SYNRG: variants seen among roughly 807,000 people sequenced by gnomAD.
SYNRG encodes the protein synergin gamma.
In SYNRG, 37 loss-of-function variants were observed where a neutral mutation model predicts 130.9. The observed-to-expected ratio is 0.28, with a 90% CI of 0.22 to 0.37. The LOEUF (loss-of-function observed/expected upper bound fraction) is 0.37. Among genes scored for constraint, SYNRG ranks in the 10% least tolerant of loss-of-function variants. SYNRG has a pLI of 1.00. For synonymous variants in SYNRG, 539 were observed against 568.1 expected, an observed-to-expected ratio of 0.95 and a Z score of 0.73; for missense variants, 1,338 against 1,588.9, an observed-to-expected ratio of 0.84 and a Z score of 2.68.
chr17:37,519,153 A>G (rs1168164295), intron 21 of SYNRG, 82 bp from the exon 22 acceptor site: 3 of 1,562,068 alleles, frequency 1.9e-6, no homozygotes, highest in Non-Finnish European at 8.7e-7. Flanking sequence ...ATGTACATCT[A>G]TCTCTCCAGG....
In SYNRG at chr17:37,609,364, C is replaced by T. The variant is rs1052284785; in HGVS notation, c.-9G>A. The T allele has an allele frequency of 7.0e-7, 1 of 1,424,402 alleles. No homozygotes were observed. The highest frequency in any genetic ancestry group is 9.1e-7 in the Non-Finnish European group (1 of 1,094,248). The allele number at this position is 1,424,402 out of a possible 1,614,324, so 88.2% of individuals were successfully genotyped here. A position where few individuals can be genotyped will look rare whatever the true frequency, so the allele number is the denominator to read the frequency against. On this transcript the variant is annotated 5_prime_UTR_variant, in exon 1 of 22. Transcript: ENST00000612223. ...CCTGGCCGCAGCGCCATCTTGCTCC[C>T]GACCTGCCGCTGCCTTCGCCGCCGC...
chr17:37,595,901 C>T (rs1229002611), intron 3 of SYNRG, among the ~76,000 whole-genome samples: 1 of 152,008 alleles, frequency 6.6e-6, no homozygotes, highest in Non-Finnish European at 1.5e-5. Flanking sequence ...ACTACAGGCA[C>T]ATGCCACCAC....
chr17:37,548,184 G>A (rs2058430722), intron 14 of SYNRG, among the ~76,000 whole-genome samples: 1 of 152,202 alleles, frequency 6.6e-6, no homozygotes, highest in South Asian at 2.1e-4. Context: ...AAATTCCTCA[G>A]TCAAAGCCAT....
chr17:37,597,034 G>C (rs944838326), intron 2 of SYNRG, among the ~76,000 whole-genome samples: 1 of 152,218 alleles, frequency 6.6e-6, no homozygotes. Flanking sequence ...GAGCCACTGT[G>C]CCTGGCCTGA....
chr17:37,607,604 C>T (rs950660664), intron 1 of SYNRG, among the ~76,000 whole-genome samples: 2 of 152,164 alleles, frequency 1.3e-5, no homozygotes, highest in South Asian at 2.1e-4. Context: ...GCCTGGCTAA[C>T]ATGGTGAAAC....
intron 14 of SYNRG, among the ~76,000 whole-genome samples, chr17:37,550,633 T>G (rs1048701): frequency 6.6e-6 from 1 of 150,902 alleles, no homozygotes; most frequent in African/African-American, 2.4e-5. Flanking sequence ...TATACTAAAG[T>G]AAATTTGAAG....
At position 37,523,438 on chromosome 17, in the gene SYNRG, G is replaced by T. The variant is rs2055399572; in HGVS notation, c.3667-2790C>A. 5.3e-5 allele frequency among the ~76,000 whole-genome samples: 8 copies of T among 152,312 alleles called. No homozygotes were observed. In the South Asian group the frequency reaches 1.7e-3, roughly 32 times the overall value. On this transcript the variant is annotated intron_variant, in intron 19 of 21. Transcript: ENST00000612223. Reference sequence around the variant, plus strand: ...GCTTTCCAAAGTGTTGGAATTAGAGGCATGAGCCACTGCACCCAGTCTTCA... The same window carrying T: ...GCTTTCCAAAGTGTTGGAATTAGAGTCATGAGCCACTGCACCCAGTCTTCA...
At chr17:37,535,896 T>A in intron 19 of SYNRG, 83 bp downstream of exon 19, 1 of 1,568,088 alleles carries the variant, frequency 6.4e-7, no homozygotes, top group Non-Finnish European at 8.7e-7. Flanking sequence ...CTCTAATAAG[T>A]ACCATCATAG....
chr17:37,519,890 AC>A (rs2054779672), intron 21 of SYNRG, among the ~76,000 whole-genome samples: 1 of 152,212 alleles, frequency 6.6e-6, no homozygotes, highest in Non-Finnish European at 1.5e-5. Flanking sequence ...GTGTGTCACT[AC>A]AACTTCCAGG....
intron 1 of SYNRG, among the ~76,000 whole-genome samples, chr17:37,604,779 T>G (rs2063602008): frequency 6.6e-6 from 1 of 152,170 alleles, no homozygotes; most frequent in South Asian, 2.1e-4. Context: ...GACTCTTCCT[T>G]TCACTTGAAC....
At chr17:37,575,247 A>G (rs2060726509) in intron 8 of SYNRG, among the ~76,000 whole-genome samples, 1 of 152,158 alleles carries the variant, frequency 6.6e-6, no homozygotes, top group Non-Finnish European at 1.5e-5. Context: ...ATAGCACTAC[A>G]AGGTAGCTAC....
intron 3 of SYNRG, among the ~76,000 whole-genome samples, chr17:37,592,565 A>G (rs529083384): frequency 6.6e-6 from 1 of 152,346 alleles, no homozygotes; most frequent in African/African-American, 2.4e-5. Flanking sequence ...TCATACATCC[A>G]CACCATGGAC....
chr17:37,596,174 G>C (rs368636416), intron 3 of SYNRG, 49 bp downstream of exon 3: 116 of 1,596,718 alleles, frequency 7.3e-5, no homozygotes, highest in Non-Finnish European at 9.8e-5. Context: ...ATATATAAAC[G>C]TAACAACAAA....
At chr17:37,543,805 A>G (rs2058006206) in intron 14 of SYNRG, among the ~76,000 whole-genome samples, 1 of 152,234 alleles carries the variant, frequency 6.6e-6, no homozygotes, top group Non-Finnish European at 1.5e-5. Context: ...CATTTTCAGA[A>G]AGCAAAACCA....
chr17:37,596,525 C>A (rs896527260), intron 2 of SYNRG, among the ~76,000 whole-genome samples, 181 bp from the exon 3 acceptor site: 1 of 152,172 alleles, frequency 6.6e-6, no homozygotes, highest in African/African-American at 2.4e-5. Flanking sequence ...GCTGTGTGAT[C>A]TTGAACAAGT....
chr17:37,538,281 C>A, intron 18 of SYNRG, 43 bp downstream of exon 18: 1 of 1,385,882 alleles, frequency 7.2e-7, no homozygotes, highest in Non-Finnish European at 1.0e-6. Context: ...GAAAATAATG[C>A]AAAGGGCCAT....
At chr17:37,521,039 T>C (rs956321181) in intron 19 of SYNRG, among the ~76,000 whole-genome samples, 6 of 150,542 alleles carry the variant, frequency 4.0e-5, no homozygotes, top group African/African-American at 1.2e-4. Context: ...TTTTCTTTTT[T>C]TTTTTTTTTT....
intron 13 of SYNRG, among the ~76,000 whole-genome samples, chr17:37,558,425 G>C (rs544309996): frequency 1.3e-5 from 2 of 152,184 alleles, no homozygotes; most frequent in African/African-American, 4.8e-5. Context: ...ACATTTCATA[G>C]CATGCATAGT....
chr17:37,565,999 C>T (rs1331561370), intron 11 of SYNRG, among the ~76,000 whole-genome samples: 5 of 150,200 alleles, frequency 3.3e-5, no homozygotes, highest in African/African-American at 5.0e-5. Context: ...CCGCCCCGTC[C>T]GGGAGGGAGG....
Sources: gnomAD v4.1 joint callset for allele counts (sites outside exome capture counted in the v4.1 genomes callset) on GRCh38, gnomAD v4.1.1 for gene constraint, MANE v1.5 for transcripts, NCBI Gene and HGNC (gene_info 2026-07-23, HGNC 2026-07-21) for gene names.